ACAP2: variants seen among roughly 807,000 people sequenced by gnomAD.
ACAP2 encodes the protein arf-GAP with coiled-coil, ANK repeat and PH domain-containing protein 2.
In ACAP2, 39 loss-of-function variants were observed where a neutral mutation model predicts 115.8. The observed-to-expected ratio is 0.34, with a 90% CI of 0.26 to 0.44. ACAP2 has a LOEUF of 0.44. ACAP2 is among the 20% of genes least tolerant of loss of function. ACAP2 has a pLI of 1.00. For synonymous variants in ACAP2, 289 were observed against 315.8 expected (o/e 0.92, Z 0.90); for missense variants, 662 against 927.6 (o/e 0.71, Z 3.72).
At chr3:195,349,775 A>G (rs1249386273) in intron 4 of ACAP2, 2 of 304,062 alleles carry the variant, frequency 6.6e-6, no homozygotes, top group Non-Finnish European at 1.3e-5. Flanking sequence ...TTCAAGAAGC[A>G]TGGCCCTCAG....
At chr3:195,354,526 G>T (rs989230933) in intron 4 of ACAP2, among the ~76,000 whole-genome samples, 1 of 152,076 alleles carries the variant, frequency 6.6e-6, no homozygotes, top group Non-Finnish European at 1.5e-5. Context: ...TTTTAATGGG[G>T]TTGTGTTTTT....
In ACAP2 at chr3:195,279,240, A is replaced by G. The variant is rs1195153559; in HGVS notation, c.*88T>C. ...CATTCAATATCTACCAAAATTAAGT[A>G]GAATTAAAGCAGTAAAAAAATTGTG... On this transcript the variant is annotated 3_prime_UTR_variant, in exon 23 of 23. Transcript: ENST00000326793. 5.1e-6 allele frequency: 4 copies of G among 777,092 alleles called. No individual in the cohort carries two copies. The African/African-American group carries it at 5.5e-5, about 11-fold the overall frequency. The allele number at this position is 777,092 out of a possible 1,614,324, so 48.1% of individuals were successfully genotyped here.
chr3:195,362,958 A>G (rs1732469995), intron 4 of ACAP2, among the ~76,000 whole-genome samples: 1 of 152,212 alleles, frequency 6.6e-6, no homozygotes, highest in Non-Finnish European at 1.5e-5. Flanking sequence ...CCTAAGCTAG[A>G]GCAATAAGAC....
In ACAP2 at chr3:195,292,371, T is replaced by G; in HGVS notation, c.1847A>C (p.Glu616Ala). Residue 616 changes from glutamate (E) to alanine (A), a missense_variant, in exon 19 of 23, where the codon GAA becomes GCA. This residue lies in a region of ACAP2 where 133 missense variants were observed against 123.1 expected (regional missense o/e 1.08). Coordinates refer to ENST00000326793, the MANE Select transcript of ACAP2 (RefSeq NM_012287.6). The part of the protein sequence containing the change: ...PGLQLYRASY[E>A]KNLPKMAEAL... ...CTCAGCCATTTTAGGAAGGTTTTTTTCATATGACGCCCTATAAAGCTGAAG... is the reference window on the plus strand; with the variant it reads ...CTCAGCCATTTTAGGAAGGTTTTTTGCATATGACGCCCTATAAAGCTGAAG... The G allele has an allele frequency of 6.2e-7, 1 of 1,614,150 alleles. No individual in the cohort carries two copies. The highest frequency in any genetic ancestry group is 1.1e-5 in the South Asian group (1 of 91,070).
chr3:195,337,011 A>G (rs375737427), intron 6 of ACAP2, 35 bp from the exon 7 acceptor site: 14 of 1,578,976 alleles, frequency 8.9e-6, no homozygotes, highest in Non-Finnish European at 1.2e-5. Flanking sequence ...TCACCCATGC[A>G]TTATTTTAAA....
At chr3:195,347,300 T>C (rs114803429) in intron 4 of ACAP2, among the ~76,000 whole-genome samples, 14 of 151,966 alleles carry the variant, frequency 9.2e-5, no homozygotes, top group African/African-American at 3.4e-4. Flanking sequence ...TTTAAGAAAA[T>C]TGACCATATA....
chr3:195,412,290 A>G (rs1348257045), intron 1 of ACAP2, among the ~76,000 whole-genome samples: 1 of 151,668 alleles, frequency 6.6e-6, no homozygotes, highest in East Asian at 1.9e-4. Context: ...TGCTCAGATT[A>G]TCAAATGTGA....
At chr3:195,349,825 G>T in intron 4 of ACAP2, 1 of 353,400 alleles carries the variant, frequency 2.8e-6, no homozygotes. Context: ...GAAGGAGATG[G>T]GAATTCTAGA....
chr3:195,367,096 C>T (rs1183978437), intron 4 of ACAP2, among the ~76,000 whole-genome samples: 1 of 150,438 alleles, frequency 6.6e-6, no homozygotes, highest in African/African-American at 2.4e-5. Context: ...ATATGGCCTG[C>T]AACGCATGGT....
chr3:195,333,031 T>G lies in ACAP2; in HGVS notation c.666A>C (p.Ala222=). Residue 222 remains alanine, a synonymous_variant, in exon 8 of 23, where the codon GCA becomes GCC. Transcript: ENST00000326793. ...ELGPYMKDLG[A]QLDRLVVDAA... is the part of the protein sequence containing the mutation. The stretch of plus-strand genomic sequence containing the variant: ...AAGAAATATACTGCAACATTACCTG[T>G]GCACCAAGATCCTTCATGTAGGGTC... 3 of 1,596,770 alleles carry G rather than the reference T, an allele frequency of 1.9e-6. No homozygotes were observed. Among genetic ancestry groups the G allele is most frequent in the Middle Eastern group, 1.7e-4 (1 of 6,018 alleles).
intron 4 of ACAP2, among the ~76,000 whole-genome samples, chr3:195,374,849 CT>C (rs148359014): frequency 5.7e-4 from 84 of 146,188 alleles, no homozygotes; most frequent in Non-Finnish European, 6.4e-4. Flanking sequence ...CATAGAAGAC[CT>C]TTTTTTTTTT....
chr3:195,303,456 G>A (rs1359542015), intron 13 of ACAP2, among the ~76,000 whole-genome samples: 1 of 150,516 alleles, frequency 6.6e-6, no homozygotes, highest in Admixed American at 6.6e-5. Flanking sequence ...GCATGGTGGT[G>A]CACACCTGTG....
Position 195,342,612 on chromosome 3 carries a change from T to C in ACAP2, c.387A>G (p.Lys129=), listed in dbSNP as rs772625813. The change falls in exon 6 of 23, where the codon AAA becomes AAG. Residue 129 remains lysine (K), a synonymous_variant. Coordinates refer to ENST00000326793, the MANE Select transcript of ACAP2 (RefSeq NM_012287.6). ...ACGCATTTTCTTTTTCTTCACTGAC[T>C]TTTTCGAATTGCTTCTTGGCATCTT... ...KFKDAKKQFE[K]VSEEKENALV... 5 of 1,606,640 alleles carry C rather than the reference T, an allele frequency of 3.1e-6. No individual in the cohort carries two copies. The Admixed American group carries it at 8.6e-5, about 28-fold the overall frequency.
At chr3:195,303,602 T>G (rs867292923) in intron 13 of ACAP2, among the ~76,000 whole-genome samples, 3 of 151,850 alleles carry the variant, frequency 2.0e-5, no homozygotes, top group Non-Finnish European at 4.4e-5. Context: ...CATAAATACA[T>G]ACATACATAC....
Position 195,443,006 on chromosome 3 carries a change from G to A in ACAP2, c.-159C>T, listed in dbSNP as rs1301412135. The A allele has an allele frequency of 1.2e-5, 7 of 570,826 alleles. No homozygotes were observed. Among genetic ancestry groups the A allele is most frequent in the Non-Finnish European group, 2.0e-5 (7 of 347,018 alleles). 35.4% of individuals were successfully genotyped at this position (570,826 alleles called of 1,614,324 possible). ...GCTGGTCATAGCAGCCGCGAAGACG[G>A]CGACGACTAGTCAGGCCCCAGTCCC... On this transcript the variant is annotated 5_prime_UTR_variant, in exon 1 of 23. Transcript: ENST00000326793.
In ACAP2 at chr3:195,285,807, T is replaced by A. The variant is rs1241701860; in HGVS notation, c.2225A>T (p.Tyr742Phe). The change falls in exon 22 of 23, where the codon TAT becomes TTT. Residue 742 changes from tyrosine (Y) to phenylalanine (F), a missense_variant. By Grantham distance (22) the Tyr-to-Phe change is conservative. Around this residue, in one of 3 missense-constraint regions of ACAP2, gnomAD observed 128 missense variants for 200.2 expected, o/e 0.64. Coordinates refer to ENST00000326793, the MANE Select transcript of ACAP2 (RefSeq NM_012287.6). The part of the protein sequence containing the change: ...NEEMRESEGL[Y>F]GQPGDETYQD... ...AGTAGAATATTGACCTGGCTGTCCA[T>A]AAAGTCCTTCTGATTCCCGCATCTC... The A allele has an allele frequency of 1.9e-6, 3 of 1,612,256 alleles. No individual in the cohort carries two copies. The South Asian group carries it at 3.3e-5, about 18-fold the overall frequency.
intron 8 of ACAP2, among the ~76,000 whole-genome samples, 198 bp downstream of exon 8, chr3:195,332,830 T>C (rs551608556): frequency 5.3e-5 from 8 of 152,332 alleles, no homozygotes; most frequent in African/African-American, 1.4e-4. Context: ...TCTGCCATCA[T>C]TGTAAGTTTC....
chr3:195,405,957 T>C (rs1487331288), intron 1 of ACAP2, among the ~76,000 whole-genome samples: 1 of 152,054 alleles, frequency 6.6e-6, no homozygotes, highest in Non-Finnish European at 1.5e-5. Flanking sequence ...TGGTAAACCA[T>C]TCATGAGAAA....
intron 11 of ACAP2, among the ~76,000 whole-genome samples, chr3:195,308,027 T>A (rs1196548734): frequency 2.0e-5 from 3 of 152,166 alleles, no homozygotes; most frequent in Non-Finnish European, 4.4e-5. Flanking sequence ...CTTTTGTTTC[T>A]AGTTATTTTA....
Sources: gnomAD v4.1 joint callset for allele counts (sites outside exome capture counted in the v4.1 genomes callset) on GRCh38, gnomAD v4.1.1 for gene constraint, gnomAD v4.1.1 regional missense constraint, MANE v1.5 for transcripts, NCBI Gene and HGNC (gene_info 2026-07-23, HGNC 2026-07-21) for gene names.